The following ZNF44 variants were observed in gnomAD, a reference collection of about 807,000 sequenced individuals.
ZNF44 encodes the protein zinc finger protein 44, also known as gonadotropin inducible transcription repressor-2.
Under a neutral mutation model 11.7 loss-of-function variants are expected in ZNF44, and 9 were observed. The observed-to-expected ratio is 0.77, with a 90% CI of 0.46 to 1.35. The LOEUF (loss-of-function observed/expected upper bound fraction) is 1.35, where lower values mean the gene tolerates loss of function less well. ZNF44 is among the 40% of genes most tolerant of loss of function. The pLI, the probability that ZNF44 is intolerant of heterozygous loss-of-function variation, is 0.00. For synonymous variants in ZNF44, 224 were observed against 242.7 expected, an observed-to-expected ratio of 0.92 and a Z score of 0.72; for missense variants, 696 against 743.1, an observed-to-expected ratio of 0.94 and a Z score of 0.74.
chr19:12,231,363 G>T (rs574532583), intron 2 of ZNF44, among the ~76,000 whole-genome samples: 1 of 152,148 alleles, frequency 6.6e-6, no homozygotes, highest in Admixed American at 6.5e-5. Flanking sequence ...GTCCCTCCCC[G>T]CCACTGAACA....
chr19:12,284,601 G>T, intron 1 of ZNF44: 1 of 717,394 alleles, frequency 1.4e-6, no homozygotes. Flanking sequence ...CTTGTTCCTG[G>T]GGGCCTCTCT....
At chr19:12,277,969 G>A (rs903323980) in intron 1 of ZNF44, among the ~76,000 whole-genome samples, 6 of 152,226 alleles carry the variant, frequency 3.9e-5, no homozygotes, top group Non-Finnish European at 5.9e-5. Flanking sequence ...ACATACATTA[G>A]AAGGCCAGGT....
At chr19:12,291,663 A>C (rs1237547555) in intron 1 of ZNF44, among the ~76,000 whole-genome samples, 1 of 151,622 alleles carries the variant, frequency 6.6e-6, no homozygotes, top group Non-Finnish European at 1.5e-5. Context: ...GTACCACAGC[A>C]CTCCTGGGTG....
At position 12,273,265 on chromosome 19, in the gene ZNF44, C is replaced by G; in HGVS notation, c.990G>C (p.Met330Ile). The G allele has an allele frequency of 6.2e-7, 1 of 1,613,678 alleles. No individual in the cohort carries two copies. Among genetic ancestry groups the G allele is most frequent in the Non-Finnish European group, 8.5e-7 (1 of 1,179,908 alleles). Reference protein sequence around the residue: ...HLGSFQRHMIMHSGDGPHKCK... With the variant: ...HLGSFQRHMIIHSGDGPHKCK... ...ATTTATGAGGTCCATCTCCACTGTG[C>G]ATTATCATGTGTCTTTGAAAGCTTC... The change falls in exon 4 of 4, where the codon ATG becomes ATC. Residue 330 changes from methionine (M) to isoleucine (I), a missense_variant. Met to Ile is a conservative substitution (Grantham distance 10). Transcript: ENST00000355684.
chr19:12,251,563 T>TA (rs1261514417), intron 5 of ZNF44, among the ~76,000 whole-genome samples: 1 of 152,166 alleles, frequency 6.6e-6, no homozygotes, highest in Non-Finnish European at 1.5e-5. Context: ...ACTGGGAAGT[T>TA]AGAGCTCAGG....
At chr19:12,275,094 A>C (rs1967157558) in intron 2 of ZNF44, 61 bp from the exon 3 acceptor site, 1 of 1,263,162 alleles carries the variant, frequency 7.9e-7, no homozygotes, top group Admixed American at 2.5e-5. Flanking sequence ...AAAATTGTTA[A>C]GATTTTATGT....
chr19:12,281,183 T>A (rs1015344666), intron 1 of ZNF44, among the ~76,000 whole-genome samples: 1 of 152,188 alleles, frequency 6.6e-6, no homozygotes, highest in Admixed American at 6.5e-5. Flanking sequence ...TTCACCAAGA[T>A]GAACAATATT....
chr19:12,251,069 C>A (rs1916971463), intron 5 of ZNF44, among the ~76,000 whole-genome samples: 1 of 152,018 alleles, frequency 6.6e-6, no homozygotes, highest in South Asian at 2.1e-4. Flanking sequence ...TGGTGGCTCA[C>A]ACCTGTAATC....
chr19:12,232,882 G>A (rs1349431550), intron 2 of ZNF44, among the ~76,000 whole-genome samples: 3 of 152,122 alleles, frequency 2.0e-5, no homozygotes, highest in Non-Finnish European at 4.4e-5. Flanking sequence ...CAGGATGACT[G>A]CAGGCAGAAA....
intron 3 of ZNF44, among the ~76,000 whole-genome samples, chr19:12,274,358 C>T (rs1172043160): frequency 6.0e-5 from 9 of 150,452 alleles, no homozygotes; most frequent in Non-Finnish European, 1.2e-4. Context: ...CTGCAACCTC[C>T]GCCTCCCAGG....
At chr19:12,234,110 G>A (rs1916279955) in intron 2 of ZNF44, among the ~76,000 whole-genome samples, 1 of 151,776 alleles carries the variant, frequency 6.6e-6, no homozygotes. Context: ...TTCATTAATA[G>A]GTTTTGAACG....
At position 12,273,262 on chromosome 19, in the gene ZNF44, G is replaced by A. The variant is rs761691907; in HGVS notation, c.993C>T (p.His331=). ...TACATTTATGAGGTCCATCTCCACT[G>A]TGCATTATCATGTGTCTTTGAAAGC... ...LGSFQRHMIM[H]SGDGPHKCKI... The change falls in exon 4 of 4, where the codon CAC becomes CAT. Residue 331 remains histidine, a synonymous_variant. Coordinates refer to ENST00000355684, the MANE Select transcript of ZNF44 (RefSeq NM_016264.4). 6.2e-7 allele frequency: 1 copy of A among 1,613,828 alleles called. No homozygotes were observed. Among genetic ancestry groups the A allele is most frequent in the East Asian group, 2.2e-5 (1 of 44,814 alleles).
chr19:12,235,079 A>G (rs568255500), intron 1 of ZNF44, among the ~76,000 whole-genome samples: 2 of 152,214 alleles, frequency 1.3e-5, no homozygotes, highest in Non-Finnish European at 2.9e-5. Context: ...TACACAGGGT[A>G]CAAAAGATTG....
downstream of ZNF44, among the ~76,000 whole-genome samples, chr19:12,271,125 G>A (rs1172984102): frequency 1.3e-5 from 2 of 152,222 alleles, no homozygotes; most frequent in South Asian, 2.1e-4. Flanking sequence ...TTGGACACGC[G>A]AAAAATTTGC....
At chr19:12,251,864 C>T (rs1317651402) in intron 5 of ZNF44, among the ~76,000 whole-genome samples, 1 of 151,984 alleles carries the variant, frequency 6.6e-6, no homozygotes, top group Non-Finnish European at 1.5e-5. Context: ...CCAGCCTGAC[C>T]AACATGGAGA....
chr19:12,225,177 CAG>C (rs1158125862), downstream of ZNF44: 3 of 152,434 alleles, frequency 2.0e-5, no homozygotes, highest in East Asian at 1.9e-4. Context: ...GACGAGGGGA[CAG>C]AGAGTTCTCT....
rs59865823 is a variant in ZNF44, at chr19:12,282,421, C to CTT, written c.4-6341_4-6340dup. Reference sequence around the variant, plus strand: ...AAATCAACCCACTTGGAGAAGTCTTCTTTTTTTTTTTTTTTTTTGAGACGG... The same window carrying CTT: ...AAATCAACCCACTTGGAGAAGTCTTCTTTTTTTTTTTTTTTTTTTTGAGACGG... On this transcript the variant is annotated intron_variant, in intron 1 of 3. Coordinates refer to ENST00000355684, the MANE Select transcript of ZNF44 (RefSeq NM_016264.4). Among the ~76,000 whole-genome samples the CTT allele has an allele frequency of 1.8e-3, 226 of 126,186 alleles. 5 individuals carry two copies. Among genetic ancestry groups the CTT allele is most frequent in the Non-Finnish European group, 2.5e-3 (155 of 61,324 alleles). 82.8% of individuals were successfully genotyped at this position (126,186 alleles called of 152,430 possible).
At chr19:12,270,549 T>C (rs1180701754), downstream of ZNF44, among the ~76,000 whole-genome samples, 1 of 151,864 alleles carries the variant, frequency 6.6e-6, no homozygotes, top group Non-Finnish European at 1.5e-5. Flanking sequence ...CCTCCTGGGT[T>C]CAAGTGATTC....
chr19:12,293,126 T>C, intron 1 of ZNF44: 7 of 1,368,162 alleles, frequency 5.1e-6, no homozygotes, highest in Non-Finnish European at 3.9e-6. Context: ...CGCCTCGGCT[T>C]CCCAAAGTGC....
Sources: gnomAD v4.1 joint callset for allele counts (sites outside exome capture counted in the v4.1 genomes callset) on GRCh38, gnomAD v4.1.1 for gene constraint, MANE v1.5 for transcripts, NCBI Gene and HGNC (gene_info 2026-07-23, HGNC 2026-07-21) for gene names.